Variants in KALRN observed in about 807,000 individuals in gnomAD.
The protein encoded by KALRN is kalirin.
Under a neutral mutation model 353.7 loss-of-function variants are expected in KALRN, and 70 were observed. The observed-to-expected ratio is 0.20, with a 90% CI of 0.16 to 0.24. KALRN has a LOEUF of 0.24. KALRN is among the 10% of genes least tolerant of loss of function. The probability of loss-of-function intolerance (pLI) is 1.00; values close to 1 mark genes in which losing one functional copy is unlikely to be tolerated. For synonymous variants in KALRN, 1,391 were observed against 1,434.8 expected, an observed-to-expected ratio of 0.97 and a Z score of 0.69; for missense variants, 2,791 against 3,756.7, an observed-to-expected ratio of 0.74 and a Z score of 6.72.
At chr3:124,393,189 T>C (rs78782838) in intron 11 of KALRN, among the ~76,000 whole-genome samples, 17,826 of 152,160 alleles carry the variant, frequency 0.12, 1,282 homozygotes, top group Non-Finnish European at 0.16. Flanking sequence ...TGGTCTCGAA[T>C]TCCTGACCTC....
In KALRN at chr3:124,173,836, G is replaced by A. The variant is rs141626526; in HGVS notation, c.74-54154G>A. Among the ~76,000 whole-genome samples the A allele has an allele frequency of 6.3e-3, 950 of 151,994 alleles. 1 individual carries two copies. The highest frequency in any genetic ancestry group is 9.0e-3 in the Non-Finnish European group (610 of 67,978). On this transcript the variant is annotated intron_variant, in intron 1 of 59. Transcript: ENST00000682506. Reference sequence around the variant, plus strand: ...TCACCATGTTGGCCGGGATGGTCTCGAGCTCCTGACCTCGTGATCCGCCCA... The same window carrying A: ...TCACCATGTTGGCCGGGATGGTCTCAAGCTCCTGACCTCGTGATCCGCCCA...
intron 55 of KALRN, among the ~76,000 whole-genome samples, chr3:124,698,914 A>G (rs1450310277): frequency 6.6e-6 from 1 of 152,228 alleles, no homozygotes; most frequent in African/African-American, 2.4e-5. Flanking sequence ...AAGCTGCCAG[A>G]TAGCTCTAAT....
intron 5 of KALRN, among the ~76,000 whole-genome samples, chr3:124,289,338 T>C (rs569018641): frequency 1.3e-5 from 2 of 152,340 alleles, no homozygotes; most frequent in South Asian, 2.1e-4. Flanking sequence ...CTATAGATAG[T>C]CCAGGATTTA....
At chr3:124,179,424 G>A (rs2150186867) in intron 1 of KALRN, among the ~76,000 whole-genome samples, 1 of 152,294 alleles carries the variant, frequency 6.6e-6, no homozygotes, top group Middle Eastern at 3.4e-3. Context: ...CACACATGGA[G>A]CTGTTGTCTC....
At position 124,541,928 on chromosome 3, in the gene KALRN, G is replaced by A. The variant is rs187269607; in HGVS notation, c.4936-20915G>A. On this transcript the variant is annotated intron_variant, in intron 33 of 59. Coordinates refer to ENST00000682506, the MANE Select transcript of KALRN (RefSeq NM_001388419.1). Reference sequence around the variant, plus strand: ...AGCCCAGATCATTTTTTTGCCCCAGGCCGAGATGGTGCCACTGCACTCCAG... The same window carrying A: ...AGCCCAGATCATTTTTTTGCCCCAGACCGAGATGGTGCCACTGCACTCCAG... Among the ~76,000 whole-genome samples the A allele has an allele frequency of 1.1e-3, 172 of 150,982 alleles. No homozygotes were observed. In the Middle Eastern group the frequency reaches 0.014, roughly 12 times the overall value.
chr3:124,121,093 C>CAA (rs35883031), intron 1 of KALRN, among the ~76,000 whole-genome samples: 39,294 of 74,730 alleles, frequency 0.53, 10,789 homozygotes, highest in Non-Finnish European at 0.63. Context: ...GACTCCATCT[C>CAA]AAAAAAAAAA....
chr3:124,262,714 A>G (rs926961852), intron 3 of KALRN, among the ~76,000 whole-genome samples: 1 of 152,180 alleles, frequency 6.6e-6, no homozygotes, highest in Non-Finnish European at 1.5e-5. Flanking sequence ...GGCTGTAACA[A>G]TCTCATCACT....
In KALRN at chr3:124,357,665, C is replaced by G. The variant is rs184534801; in HGVS notation, c.1770+10400C>G. ...CCTCTAGGAAGCCCTCAGTAGCCTC[C>G]TTGGTTTGGATTGGATGCCCCTTTT... is the stretch of plus-strand genomic sequence containing the variant. On this transcript the variant is annotated intron_variant, in intron 10 of 59. Coordinates refer to ENST00000682506, the MANE Select transcript of KALRN (RefSeq NM_001388419.1). Among the ~76,000 whole-genome samples, 146 of 152,304 alleles carry G rather than the reference C, an allele frequency of 9.6e-4. 2 individuals carry two copies. The highest frequency in any genetic ancestry group is 3.5e-3 in the African/African-American group (144 of 41,578).
At chr3:124,351,843 A>T (rs1194975883) in intron 10 of KALRN, among the ~76,000 whole-genome samples, 2 of 152,216 alleles carry the variant, frequency 1.3e-5, no homozygotes, top group East Asian at 3.9e-4. Flanking sequence ...TTTGAAGATG[A>T]ATTAAATATT....
intron 5 of KALRN, among the ~76,000 whole-genome samples, chr3:124,281,380 G>T (rs1285254015): frequency 6.6e-6 from 1 of 152,202 alleles, no homozygotes; most frequent in Non-Finnish European, 1.5e-5. Flanking sequence ...TCCCTGGGGA[G>T]GTGACCTTGT....
At chr3:124,475,958 T>C (rs1000368913) in intron 26 of KALRN, among the ~76,000 whole-genome samples, 1 of 152,128 alleles carries the variant, frequency 6.6e-6, no homozygotes, top group Admixed American at 6.6e-5. Context: ...AATGACAAGA[T>C]TGACCATTAA....
intron 34 of KALRN, among the ~76,000 whole-genome samples, chr3:124,565,817 A>C (rs560494637): frequency 1.3e-5 from 2 of 152,362 alleles, no homozygotes; most frequent in South Asian, 4.1e-4. Flanking sequence ...GAGCAGTGTC[A>C]GAGTCAATCT....
intron 1 of KALRN, among the ~76,000 whole-genome samples, chr3:124,218,849 T>C (rs1320806487): frequency 6.6e-6 from 1 of 152,212 alleles, no homozygotes; most frequent in Admixed American, 6.5e-5. Flanking sequence ...CCCATATGTT[T>C]AAAGTGCTAA....
At position 124,715,299 on chromosome 3, in the gene KALRN, T is replaced by A. The variant is rs1246970502; in HGVS notation, c.8277-1948T>A. Among the ~76,000 whole-genome samples the A allele has an allele frequency of 2.6e-5, 4 of 152,272 alleles. No individual in the cohort carries two copies. In the East Asian group the frequency reaches 7.7e-4, roughly 29 times the overall value. On this transcript the variant is annotated intron_variant, in intron 58 of 59. Coordinates refer to ENST00000682506, the MANE Select transcript of KALRN (RefSeq NM_001388419.1). The stretch of plus-strand genomic sequence containing the variant: ...ATTTGGCAAATACTTATGCTGCCAA[T>A]TAGGTGACGGTGGCCTCCCCTTAGG...
At chr3:124,236,362 C>T (rs554963527) in intron 3 of KALRN, among the ~76,000 whole-genome samples, 3 of 152,170 alleles carry the variant, frequency 2.0e-5, no homozygotes, top group South Asian at 2.1e-4. Context: ...CTAAATAACT[C>T]GTGATTGATA....
chr3:124,583,754 G>C (rs6438848), intron 34 of KALRN, among the ~76,000 whole-genome samples: 12,208 of 152,220 alleles, frequency 0.08, 597 homozygotes, highest in East Asian at 0.14. Flanking sequence ...GTCTCAGTGT[G>C]GTCCTATACC....
intron 49 of KALRN, among the ~76,000 whole-genome samples, chr3:124,676,502 T>A (rs181669098): frequency 6.6e-6 from 1 of 152,204 alleles, no homozygotes; most frequent in Non-Finnish European, 1.5e-5. Flanking sequence ...CAAACCATGA[T>A]GACGAGTTCT....
chr3:124,116,543 G>A (rs919461108), intron 1 of KALRN, among the ~76,000 whole-genome samples: 1 of 152,114 alleles, frequency 6.6e-6, no homozygotes, highest in Non-Finnish European at 1.5e-5. Flanking sequence ...CTTAAGTCTT[G>A]TATCCTTTCC....
intron 1 of KALRN, among the ~76,000 whole-genome samples, chr3:124,062,683 T>G (rs1327701945): frequency 6.6e-6 from 1 of 152,220 alleles, no homozygotes; most frequent in Non-Finnish European, 1.5e-5. Context: ...AGTCACGTGC[T>G]TCCTTGGTGC....
Sources: allele counts gnomAD v4.1 joint callset (sites outside exome capture counted in the v4.1 genomes callset), GRCh38; gene constraint gnomAD v4.1.1; transcripts MANE v1.5; gene names NCBI Gene and HGNC (gene_info 2026-07-23, HGNC 2026-07-21).